Variants in SUMF1 observed in about 807,000 individuals in gnomAD.
SUMF1 encodes sulfatase modifying factor 1.
A neutral mutation model predicts 47.6 loss-of-function variants in SUMF1; 48 were observed. The ratio of observed to expected loss-of-function variants is 1.01; its 90% CI spans 0.80 to 1.28. The LOEUF is 1.28. Ranked by LOEUF, SUMF1 falls within the 50% of genes most tolerant of loss-of-function variation. SUMF1 has a pLI of 0.00. For missense variants in SUMF1, 571 were observed against 485.4 expected (o/e 1.18, Z -1.66); for synonymous variants, 230 against 192.1 (o/e 1.20, Z -1.63).
intron 8 of SUMF1, among the ~76,000 whole-genome samples, chr3:4,102,216 C>A (rs1265970815): frequency 6.6e-6 from 1 of 152,132 alleles, no homozygotes; most frequent in East Asian, 1.9e-4. Flanking sequence ...TTGCTAATGT[C>A]ATTAAATCTA....
At chr3:4,050,773 A>AAAAAG (rs1011523731) in intron 9 of SUMF1, among the ~76,000 whole-genome samples, 1 of 151,146 alleles carries the variant, frequency 6.6e-6, no homozygotes, top group Non-Finnish European at 1.5e-5. Context: ...AAAAGAAAGA[A>AAAAAG]AAAAGAAAAG....
intron 8 of SUMF1, among the ~76,000 whole-genome samples, chr3:4,237,843 C>G (rs1696442683): frequency 6.6e-6 from 1 of 152,122 alleles, no homozygotes; most frequent in Non-Finnish European, 1.5e-5. Context: ...ATGTTTGTTA[C>G]ATAGGTATAC....
chr3:4,252,792 C>T (rs75888762), intron 8 of SUMF1, among the ~76,000 whole-genome samples: 1 of 151,654 alleles, frequency 6.6e-6, no homozygotes, highest in Non-Finnish European at 1.5e-5. Context: ...AAAAAAAAAA[C>T]TGCAAATGGT....
At chr3:4,239,113 T>C (rs1303186821) in intron 8 of SUMF1, among the ~76,000 whole-genome samples, 1 of 152,162 alleles carries the variant, frequency 6.6e-6, no homozygotes, top group Non-Finnish European at 1.5e-5. Context: ...CTGAGGGCTC[T>C]GTTCTGTTCC....
At chr3:4,172,627 G>A (rs1694858245) in intron 8 of SUMF1, among the ~76,000 whole-genome samples, 1 of 152,134 alleles carries the variant, frequency 6.6e-6, no homozygotes, top group African/African-American at 2.4e-5. Context: ...TATGTTTGTT[G>A]GCTGCAGAAA....
At chr3:4,413,962 C>T (rs1701626362) in intron 6 of SUMF1, among the ~76,000 whole-genome samples, 1 of 151,656 alleles carries the variant, frequency 6.6e-6, no homozygotes, top group Non-Finnish European at 1.5e-5. Context: ...CTCCTGGGTT[C>T]AAGCAATTCT....
At chr3:4,312,236 C>G (rs567497268) in intron 8 of SUMF1, among the ~76,000 whole-genome samples, 2 of 152,090 alleles carry the variant, frequency 1.3e-5, no homozygotes, top group East Asian at 3.9e-4. Context: ...AATTAAAATA[C>G]ATATATGCAT....
intron 8 of SUMF1, among the ~76,000 whole-genome samples, chr3:4,134,376 C>T (rs1339953009): frequency 6.6e-6 from 1 of 152,060 alleles, no homozygotes; most frequent in African/African-American, 2.4e-5. Context: ...CTACTGGGTA[C>T]ATAACAAAAT....
intron 8 of SUMF1, among the ~76,000 whole-genome samples, chr3:4,151,459 G>A (rs1401751718): frequency 7.1e-6 from 1 of 141,220 alleles, no homozygotes; most frequent in East Asian, 2.0e-4. Context: ...GTATACATGT[G>A]TATATATGTA....
intron 8 of SUMF1, among the ~76,000 whole-genome samples, chr3:4,113,991 C>T (rs1394016452): frequency 6.6e-6 from 1 of 152,018 alleles, no homozygotes; most frequent in African/African-American, 2.4e-5. Context: ...TCTCTACAAG[C>T]TGATTTTAAA....
intron 8 of SUMF1, among the ~76,000 whole-genome samples, chr3:4,143,438 G>A (rs761665158): frequency 9.2e-5 from 14 of 152,104 alleles, no homozygotes; most frequent in Non-Finnish European, 2.1e-4. Flanking sequence ...GAGAAGGTCA[G>A]ATAGTAGGAT....
chr3:4,096,917 G>C (rs1207976414), intron 8 of SUMF1, among the ~76,000 whole-genome samples: 1 of 152,044 alleles, frequency 6.6e-6, no homozygotes, highest in African/African-American at 2.4e-5. Context: ...TCTTTAAAGA[G>C]AAACTGGATT....
intron 7 of SUMF1, among the ~76,000 whole-genome samples, chr3:4,408,205 A>G (rs372750641): frequency 4.6e-5 from 7 of 152,366 alleles, no homozygotes; most frequent in South Asian, 2.1e-4. Context: ...TAGAGTTATC[A>G]GACAAACGTT....
At chr3:4,312,193 T>C (rs1210510538) in intron 8 of SUMF1, among the ~76,000 whole-genome samples, 1 of 152,206 alleles carries the variant, frequency 6.6e-6, no homozygotes. Context: ...TCTATGACTT[T>C]CTTATCCCCA....
At chr3:4,422,778 T>TA (rs1448044643) in intron 3 of SUMF1, among the ~76,000 whole-genome samples, 37 of 151,304 alleles carry the variant, frequency 2.4e-4, no homozygotes, top group African/African-American at 3.6e-4. Context: ...TTTTTTTTTT[T>TA]AAAAAAAATT....
chr3:4,404,847 C>G (rs1701325875), intron 7 of SUMF1, among the ~76,000 whole-genome samples: 1 of 152,136 alleles, frequency 6.6e-6, no homozygotes, highest in East Asian at 1.9e-4. Flanking sequence ...CTTCCTCCCC[C>G]AGCCCCCAGC....
chr3:4,216,205 G>T (rs144795680), intron 8 of SUMF1, among the ~76,000 whole-genome samples: 192 of 152,224 alleles, frequency 1.3e-3, no homozygotes, highest in African/African-American at 4.5e-3. Context: ...ATAGATCAAT[G>T]GAACAGAACA....
At chr3:4,175,543 C>A (rs902119940) in intron 8 of SUMF1, among the ~76,000 whole-genome samples, 2 of 152,140 alleles carry the variant, frequency 1.3e-5, no homozygotes, top group African/African-American at 4.8e-5. Context: ...AGGTGACCAA[C>A]ATCAAAGACC....
chr3:4,206,846 C>A (rs1695664530), intron 8 of SUMF1, among the ~76,000 whole-genome samples: 1 of 151,974 alleles, frequency 6.6e-6, no homozygotes, highest in Non-Finnish European at 1.5e-5. Context: ...AGGTACTCTG[C>A]ATTTCCACTT....
Sources: gnomAD v4.1 joint callset for allele counts (sites outside exome capture counted in the v4.1 genomes callset) on GRCh38, gnomAD v4.1.1 for gene constraint, MANE v1.5 for transcripts, NCBI Gene and HGNC (gene_info 2026-07-23, HGNC 2026-07-21) for gene names.